Variants in RAB35 observed in about 807,000 individuals in gnomAD.
RAB35 encodes the protein RAB35, member RAS oncogene family.
A neutral mutation model predicts 28.9 loss-of-function variants in RAB35; 4 were observed. That is an observed-to-expected ratio of 0.14 (90% confidence interval 0.07 to 0.32). RAB35 has a LOEUF of 0.32. RAB35 is among the 10% of genes least tolerant of loss of function. The pLI, the probability that RAB35 is intolerant of heterozygous loss-of-function variation, is 1.00. For synonymous variants in RAB35, 99 were observed against 105.1 expected, an observed-to-expected ratio of 0.94 and a Z score of 0.35; for missense variants, 128 against 274.0, an observed-to-expected ratio of 0.47 and a Z score of 3.76.
intron 1 of RAB35, among the ~76,000 whole-genome samples, chr12:120,110,827 C>T (rs114464420): frequency 0.028 from 4,246 of 152,326 alleles, 181 homozygotes; most frequent in African/African-American, 0.096. Context: ...AGACGCTGCT[C>T]AGCCTGGGCC....
chr12:120,099,220 C>T, intron 3 of RAB35, 66 bp from the exon 4 acceptor site: 1 of 1,602,224 alleles, frequency 6.2e-7, no homozygotes. Flanking sequence ...CCGGGACCCA[C>T]CTGCCCACGT....
intron 1 of RAB35, among the ~76,000 whole-genome samples, chr12:120,109,657 C>CTTTTT (rs543003528): frequency 8.3e-6 from 1 of 120,018 alleles, no homozygotes; most frequent in Non-Finnish European, 1.8e-5. Flanking sequence ...GTTGCCCAGG[C>CTTTTT]TTTTTTTTTT....
intron 1 of RAB35, among the ~76,000 whole-genome samples, chr12:120,114,595 T>A (rs543204766): frequency 7.2e-5 from 11 of 152,206 alleles, no homozygotes; most frequent in Admixed American, 2.0e-4. Flanking sequence ...AGGATCTCAA[T>A]GTCGGGAGAA....
Position 120,096,426 on chromosome 12 carries a change from C to T in RAB35, c.*819G>A. On this transcript the variant is annotated 3_prime_UTR_variant, in exon 6 of 6. Transcript: ENST00000229340. The stretch of plus-strand genomic sequence containing the variant: ...ATTTTCTTGATCTGTTAAAATAATC[C>T]TCCCATAGCCCCCCTGCCAGCCCCA... 1.6e-6 allele frequency: 2 copies of T among 1,279,930 alleles called. No individual in the cohort carries two copies. The highest frequency in any genetic ancestry group is 2.0e-6 in the Non-Finnish European group (2 of 983,670). 79.3% of individuals were successfully genotyped at this position (1,279,930 alleles called of 1,614,324 possible).
chr12:120,116,002 C>T (rs1317734987), intron 1 of RAB35, among the ~76,000 whole-genome samples: 1 of 152,188 alleles, frequency 6.6e-6, no homozygotes, highest in Non-Finnish European at 1.5e-5. Context: ...GTGCAAAGCC[C>T]TTTATCCGAC....
At position 120,108,410 on chromosome 12, in the gene RAB35, G is replaced by A. The variant is rs762045828; in HGVS notation, c.103+7C>T. 5.6e-6 allele frequency: 9 copies of A among 1,611,364 alleles called. No homozygotes were observed. In the East Asian group the frequency reaches 1.3e-4, roughly 24 times the overall value. On this transcript the variant is annotated splice_region_variant and intron_variant, in intron 2 of 5. Coordinates refer to ENST00000229340, the MANE Select transcript of RAB35 (RefSeq NM_006861.7). ...ACACCCCAGCAGCACTGCAGGGGAG[G>A]ACTCACCTGAGAAAGTGTTGTCTGC...
intron 2 of RAB35, among the ~76,000 whole-genome samples, chr12:120,105,599 T>C (rs756211265): frequency 2.0e-5 from 3 of 152,034 alleles, no homozygotes; most frequent in Non-Finnish European, 4.4e-5. Flanking sequence ...CTCAACATCC[T>C]TCGACACGCA....
chr12:120,097,422 C>G, intron 5 of RAB35, 49 bp from the exon 6 acceptor site: 2 of 1,497,174 alleles, frequency 1.3e-6, no homozygotes, highest in Non-Finnish European at 9.1e-7. Flanking sequence ...GCCAGGAGGC[C>G]CCTGCTGGCC....
chr12:120,105,041 G>A (rs1417385710), intron 2 of RAB35, among the ~76,000 whole-genome samples: 1 of 152,162 alleles, frequency 6.6e-6, no homozygotes. Context: ...TGGGGCTTAT[G>A]CTATAACAGT....
intron 1 of RAB35, among the ~76,000 whole-genome samples, chr12:120,111,474 G>A (rs746162667): frequency 7.2e-5 from 11 of 152,158 alleles, no homozygotes; most frequent in Admixed American, 1.3e-4. Flanking sequence ...GAGGTCAAGA[G>A]ATCGAGACCA....
rs778785878 is a variant in RAB35, at chr12:120,096,725, C to T, written c.*520G>A. On this transcript the variant is annotated 3_prime_UTR_variant, in exon 6 of 6. Transcript: ENST00000229340. ...GGAGAAGGGGCAAGACCCTGTGCAG[C>T]GGGGACAGAGGCTGACAACCTGTCG... 2.3e-5 allele frequency: 30 copies of T among 1,289,826 alleles called. 1 individual carries two copies. Among genetic ancestry groups the T allele is most frequent in the South Asian group, 2.1e-4 (17 of 81,036 alleles). 79.9% of individuals were successfully genotyped at this position (1,289,826 alleles called of 1,614,324 possible).
At chr12:120,098,503 CTG>C (rs898442977) in intron 5 of RAB35, among the ~76,000 whole-genome samples, 8 of 152,276 alleles carry the variant, frequency 5.3e-5, no homozygotes, top group Non-Finnish European at 1.0e-4. Context: ...GGAGTGGAAA[CTG>C]TGCTTGGCTT....
At chr12:120,106,919 T>C (rs1254585144) in intron 2 of RAB35, among the ~76,000 whole-genome samples, 3 of 151,532 alleles carry the variant, frequency 2.0e-5, no homozygotes, top group South Asian at 2.1e-4. Flanking sequence ...AGCCCAGCCA[T>C]GTCAGAGGGA....
chr12:120,109,942 C>A (rs1304673979), intron 1 of RAB35, among the ~76,000 whole-genome samples: 1 of 152,180 alleles, frequency 6.6e-6, no homozygotes, highest in Non-Finnish European at 1.5e-5. Context: ...ATGCATCGGG[C>A]TGTGTGTGTG....
chr12:120,108,622 G>C, intron 1 of RAB35, 155 bp from the exon 2 acceptor site: 1 of 728,420 alleles, frequency 1.4e-6, no homozygotes, highest in Admixed American at 2.0e-5. Flanking sequence ...TCCCTGAGCG[G>C]CCACACACCA....
chr12:120,098,835 G>T lies in RAB35; in HGVS notation c.453C>A (p.Ala151=), dbSNP rs751043114. ...QMGIQLFETS[A]KENVNVEEMF... ...CCTCTTCCACGTTGACATTCTCCTT[G>T]GCGCTGGTCTCGAACAACTGGATGC... Residue 151 remains alanine, a synonymous_variant, in exon 5 of 6, where the codon GCC becomes GCA. Transcript: ENST00000229340. 1 of 1,614,224 alleles carries T rather than the reference G, an allele frequency of 6.2e-7. No homozygotes were observed. Among genetic ancestry groups the T allele is most frequent in the Admixed American group, 1.7e-5 (1 of 60,032 alleles).
At chr12:120,097,421 C>G in intron 5 of RAB35, 48 bp from the exon 6 acceptor site, 2 of 1,496,722 alleles carry the variant, frequency 1.3e-6, no homozygotes, top group Non-Finnish European at 9.1e-7. Context: ...GGCCAGGAGG[C>G]CCCTGCTGGC....
At chr12:120,097,756 A>T (rs539532538) in intron 5 of RAB35, among the ~76,000 whole-genome samples, 14 of 152,224 alleles carry the variant, frequency 9.2e-5, no homozygotes, top group Admixed American at 2.6e-4. Flanking sequence ...CAACAAATAA[A>T]TAAGTCTGAA....
In RAB35 at chr12:120,095,640, T is replaced by C. The variant is rs1875349440; in HGVS notation, c.*1605A>G. 1 of 142,416 alleles carries C rather than the reference T, an allele frequency of 7.0e-6. No homozygotes were observed. The highest frequency in any genetic ancestry group is 2.6e-5 in the African/African-American group (1 of 37,922). 8.8% of individuals were successfully genotyped at this position (142,416 alleles called of 1,614,324 possible). On this transcript the variant is annotated 3_prime_UTR_variant, in exon 6 of 6. Transcript: ENST00000229340. ...TGCAGCCCCCTCCACAGCACCCTCC[T>C]TCCCAGGCCCATGGGGCTCCCCCAC...
Sources: allele counts gnomAD v4.1 joint callset (sites outside exome capture counted in the v4.1 genomes callset), GRCh38; gene constraint gnomAD v4.1.1; transcripts MANE v1.5; gene names NCBI Gene and HGNC (gene_info 2026-07-23, HGNC 2026-07-21).